Variants in WDFY3 observed in about 807,000 individuals in gnomAD.
WDFY3 encodes WD repeat and FYVE domain-containing protein 3.
A neutral mutation model predicts 409.6 loss-of-function variants in WDFY3; 66 were observed. The observed-to-expected ratio is 0.16, with a 90% CI of 0.13 to 0.20. The LOEUF (loss-of-function observed/expected upper bound fraction) is 0.20. WDFY3 is among the 10% of genes least tolerant of loss of function. The pLI, the probability that WDFY3 is intolerant of heterozygous loss-of-function variation, is 1.00. For synonymous variants in WDFY3, 1,521 were observed against 1,537.1 expected (o/e 0.99, Z 0.25); for missense variants, 3,031 against 4,298.1 (o/e 0.71, Z 8.24).
intron 36 of WDFY3, among the ~76,000 whole-genome samples, chr4:84,747,477 C>T (rs1296238555): frequency 6.6e-6 from 1 of 152,074 alleles, no homozygotes; most frequent in Admixed American, 6.6e-5. Flanking sequence ...GTGGGTTTCA[C>T]TCTGATGTAT....
At chr4:84,922,510 G>C (rs1268323829) in intron 2 of WDFY3, among the ~76,000 whole-genome samples, 2 of 152,128 alleles carry the variant, frequency 1.3e-5, no homozygotes, top group African/African-American at 4.8e-5. Flanking sequence ...AGGACAGGCA[G>C]AGTAAAGGAT....
At chr4:84,821,767 T>C (rs923328028) in intron 10 of WDFY3, among the ~76,000 whole-genome samples, 4 of 152,216 alleles carry the variant, frequency 2.6e-5, no homozygotes, top group African/African-American at 4.8e-5. Context: ...ATTATGAATA[T>C]TTCAATTCAA....
At chr4:84,825,067 T>C (rs1216869505) in intron 10 of WDFY3, among the ~76,000 whole-genome samples, 3 of 152,170 alleles carry the variant, frequency 2.0e-5, no homozygotes, top group African/African-American at 7.2e-5. Flanking sequence ...ATTCTCACCA[T>C]AACCCTGGGA....
intron 65 of WDFY3, among the ~76,000 whole-genome samples, 182 bp from the exon 66 acceptor site, chr4:84,678,461 T>C (rs1036827159): frequency 7.9e-5 from 12 of 152,204 alleles, no homozygotes; most frequent in Non-Finnish European, 1.6e-4. Flanking sequence ...GACATTAACA[T>C]GGGCCAGGCT....
chr4:84,887,272 T>C (rs1764364831), intron 3 of WDFY3, among the ~76,000 whole-genome samples: 2 of 152,162 alleles, frequency 1.3e-5, no homozygotes, highest in Admixed American at 1.3e-4. Flanking sequence ...GAGGTGGGGC[T>C]GTGGGGAAGA....
chr4:84,935,239 A>C (rs998443005), intron 1 of WDFY3, among the ~76,000 whole-genome samples: 4 of 152,166 alleles, frequency 2.6e-5, no homozygotes, highest in African/African-American at 9.6e-5. Flanking sequence ...GTACATGCCT[A>C]AGAGTTAGGG....
At chr4:84,927,352 A>G (rs932242947) in intron 2 of WDFY3, among the ~76,000 whole-genome samples, 1 of 152,050 alleles carries the variant, frequency 6.6e-6, no homozygotes, top group Non-Finnish European at 1.5e-5. Context: ...CACCTTATAG[A>G]TTAACTCATA....
intron 1 of WDFY3, among the ~76,000 whole-genome samples, chr4:84,945,114 T>A (rs1021804455): frequency 1.3e-5 from 2 of 152,134 alleles, no homozygotes; most frequent in African/African-American, 4.8e-5. Flanking sequence ...AGCCTCTTAG[T>A]AATTGAGTGG....
In WDFY3 at chr4:84,925,127, C is replaced by T. The variant is rs534884824; in HGVS notation, c.-132+7143G>A. The stretch of plus-strand genomic sequence containing the variant: ...GTGCTGAGGACTGTGATTTCCAAGT[C>T]TCTTCCCTCTTTATTAAGTAACTCA... On this transcript the variant is annotated intron_variant, in intron 2 of 67. Coordinates refer to ENST00000295888, the MANE Select transcript of WDFY3 (RefSeq NM_014991.6). Among the ~76,000 whole-genome samples, 11 of 152,264 alleles carry T rather than the reference C, an allele frequency of 7.2e-5. No homozygotes were observed. The South Asian group carries it at 2.3e-3, about 32-fold the overall frequency.
chr4:84,957,448 A>C (rs1774385522), intron 1 of WDFY3, among the ~76,000 whole-genome samples: 1 of 152,160 alleles, frequency 6.6e-6, no homozygotes, highest in African/African-American at 2.4e-5. Context: ...CATTGCTTTA[A>C]TGTTTTGCCT....
At chr4:84,820,642 A>T (rs1482141002) in intron 11 of WDFY3, among the ~76,000 whole-genome samples, 1 of 152,136 alleles carries the variant, frequency 6.6e-6, no homozygotes, top group Non-Finnish European at 1.5e-5. Context: ...ACCCAATGAT[A>T]ATACATTGTG....
intron 67 of WDFY3, 41 bp downstream of exon 67, chr4:84,677,158 C>T (rs542404548): frequency 6.2e-7 from 1 of 1,610,202 alleles, no homozygotes. Context: ...AACCTTAGAG[C>T]TTAATCAATG....
At chr4:84,820,298 T>G (rs1380807953) in intron 11 of WDFY3, 112 bp from the exon 12 acceptor site, 1 of 767,316 alleles carries the variant, frequency 1.3e-6, no homozygotes, top group Non-Finnish European at 2.0e-6. Flanking sequence ...TTACCCCTAA[T>G]AGGACAGATA....
At chr4:84,915,815 A>G (rs1033477242) in intron 2 of WDFY3, among the ~76,000 whole-genome samples, 1 of 152,168 alleles carries the variant, frequency 6.6e-6, no homozygotes, top group African/African-American at 2.4e-5. Flanking sequence ...GGAACTGGGG[A>G]AAAAAGGTTT....
chr4:84,748,888 T>C lies in WDFY3; in HGVS notation c.5973+2595A>G, dbSNP rs569850657. Among the ~76,000 whole-genome samples, 143 of 146,756 alleles carry C rather than the reference T, an allele frequency of 9.7e-4. 1 individual carries two copies. In the South Asian group the frequency reaches 0.021, roughly 21 times the overall value. On this transcript the variant is annotated intron_variant, in intron 36 of 67. Transcript: ENST00000295888. ...ATATGTAAGATAATTCTCTCTCTCT[T>C]TTTTTTTTTTTGAGACAGGGTCTCA...
At chr4:84,715,580 C>T (rs1733731963) in intron 49 of WDFY3, among the ~76,000 whole-genome samples, 197 bp from the exon 50 acceptor site, 2 of 151,946 alleles carry the variant, frequency 1.3e-5, no homozygotes, top group Admixed American at 6.6e-5. Flanking sequence ...CGAGACCATC[C>T]TGGCTAACAC....
At chr4:84,727,307 A>G (rs980288879) in intron 44 of WDFY3, among the ~76,000 whole-genome samples, 3 of 152,138 alleles carry the variant, frequency 2.0e-5, no homozygotes, top group Non-Finnish European at 4.4e-5. Flanking sequence ...AGTATCTTCC[A>G]TCTTCCTTTC....
intron 2 of WDFY3, among the ~76,000 whole-genome samples, chr4:84,897,739 A>G (rs555540541): frequency 5.9e-5 from 9 of 152,366 alleles, no homozygotes; most frequent in Non-Finnish European, 1.3e-4. Flanking sequence ...GAGAGCCCAC[A>G]ACACAGGACT....
intron 49 of WDFY3, among the ~76,000 whole-genome samples, chr4:84,715,941 T>C (rs1733819833): frequency 1.3e-5 from 2 of 151,476 alleles, no homozygotes; most frequent in Non-Finnish European, 2.9e-5. Flanking sequence ...TTTATAATTA[T>C]AATTTTATAA....
Sources: allele counts gnomAD v4.1 joint callset (sites outside exome capture counted in the v4.1 genomes callset), GRCh38; gene constraint gnomAD v4.1.1; transcripts MANE v1.5; gene names NCBI Gene and HGNC (gene_info 2026-07-23, HGNC 2026-07-21).